The following HS1BP3 variants were observed in gnomAD, a reference collection of about 807,000 sequenced individuals.
HS1BP3 encodes the protein HCLS1 binding protein 3.
A neutral mutation model predicts 33.5 loss-of-function variants in HS1BP3; 32 were observed. The observed-to-expected ratio is 0.95, with a 90% CI of 0.72 to 1.28. HS1BP3 has a LOEUF of 1.28. Ranked by LOEUF, HS1BP3 falls within the 50% of genes most tolerant of loss-of-function variation. The pLI is 0.00. For missense variants in HS1BP3, 486 were observed against 502.3 expected, an observed-to-expected ratio of 0.97 and a Z score of 0.31; for synonymous variants, 187 against 209.2, an observed-to-expected ratio of 0.89 and a Z score of 0.92.
chr2:20,576,460 G>A lies in HS1BP3; in HGVS notation c.303-15945C>T, dbSNP rs183696390. On this transcript the variant is annotated intron_variant, in intron 5 of 5. Coordinates refer to the HS1BP3 transcript ENST00000446825. ...TTAGCTCAGGCGTCCCGTTTTCCAT[G>A]CTTTGCAGTCTTATCTCCTCTCTGG... is the stretch of plus-strand genomic sequence containing the variant. Among the ~76,000 whole-genome samples the A allele has an allele frequency of 3.3e-3, 507 of 152,302 alleles. 3 individuals are homozygous for A. Among genetic ancestry groups the A allele is most frequent in the African/African-American group, 0.011 (476 of 41,554 alleles).
chr2:20,555,281 G>C, the HS1BP3 span, among the ~76,000 whole-genome samples: 7 of 152,248 alleles, frequency 4.6e-5, no homozygotes, highest in African/African-American at 1.7e-4. Context: ...TAAGAGGCCA[G>C]GTGGCTGTTA....
rs1363168749 is a variant in HS1BP3 at position 20,625,015 on chromosome 2, C to A, written c.624-123G>T. On this transcript the variant is annotated intron_variant, in intron 4 of 6. Coordinates refer to ENST00000304031, the MANE Select transcript of HS1BP3 (RefSeq NM_022460.4). ...GCTGGATGCCATGGGCCAGAAAAGACCAGGCCAGAGGGACCAGGGAAGTCC... is the reference window on the plus strand; with the variant it reads ...GCTGGATGCCATGGGCCAGAAAAGAACAGGCCAGAGGGACCAGGGAAGTCC... 3.3e-6 allele frequency: 4 copies of A among 1,201,286 alleles called. No homozygotes were observed. In the African/African-American group the frequency reaches 4.6e-5, roughly 14 times the overall value. 74.4% of individuals were successfully genotyped at this position (1,201,286 alleles called of 1,614,324 possible). A position where few individuals can be genotyped will look rare whatever the true frequency, so the allele number is the denominator to read the frequency against.
At chr2:20,586,466 C>T (rs1022355119) in intron 5 of HS1BP3, 6 of 152,118 alleles carry the variant, frequency 3.9e-5, no homozygotes, top group African/African-American at 1.4e-4. Flanking sequence ...TCCAGATGTT[C>T]CCGGGAAAAT....
chr2:20,622,147 T>C, intron 6 of HS1BP3: 1 of 1,259,952 alleles, frequency 7.9e-7, no homozygotes, highest in Non-Finnish European at 1.0e-6. Flanking sequence ...CTGAGGCTAG[T>C]GACAGAATGA....
intron 5 of HS1BP3, among the ~76,000 whole-genome samples, chr2:20,574,042 TG>T (rs1693340451): frequency 6.6e-6 from 1 of 152,224 alleles, no homozygotes; most frequent in Non-Finnish European, 1.5e-5. Flanking sequence ...GTCCTTCCTG[TG>T]TGGGTTGCCC....
At chr2:20,642,005 G>A (rs1469812995) in intron 2 of HS1BP3, among the ~76,000 whole-genome samples, 2 of 152,236 alleles carry the variant, frequency 1.3e-5, no homozygotes, top group Non-Finnish European at 2.9e-5. Flanking sequence ...GTCACCTGCT[G>A]TATACACACA....
chr2:20,649,967 C>T (rs1451680635), intron 1 of HS1BP3, among the ~76,000 whole-genome samples: 1 of 152,202 alleles, frequency 6.6e-6, no homozygotes, highest in Non-Finnish European at 1.5e-5. Flanking sequence ...TTGCTCATGC[C>T]TGCCAATCTG....
chr2:20,629,691 C>T (rs2149295029), intron 4 of HS1BP3, among the ~76,000 whole-genome samples: 1 of 152,360 alleles, frequency 6.6e-6, no homozygotes, highest in East Asian at 1.9e-4. Flanking sequence ...CAGGCATGTG[C>T]TGGCATGTTC....
intron 4 of HS1BP3, among the ~76,000 whole-genome samples, chr2:20,627,933 C>T (rs1189408073): frequency 6.6e-6 from 1 of 152,112 alleles, no homozygotes; most frequent in Non-Finnish European, 1.5e-5. Flanking sequence ...GAGGGATGGA[C>T]AGGTGGAGGA....
chr2:20,582,578 T>A (rs1381001813), intron 5 of HS1BP3, among the ~76,000 whole-genome samples: 1 of 152,100 alleles, frequency 6.6e-6, no homozygotes, highest in East Asian at 1.9e-4. Context: ...CCCCCTCATG[T>A]CAGCCCATTA....
intron 4 of HS1BP3, 135 bp downstream of exon 4, chr2:20,638,301 G>A (rs1019335327): frequency 4.6e-5 from 35 of 767,458 alleles, no homozygotes; most frequent in Non-Finnish European, 7.4e-5. Context: ...CCAGGCCAAG[G>A]CCTCGTGGCC....
At chr2:20,568,349 C>G (rs1305995034) in intron 5 of HS1BP3, among the ~76,000 whole-genome samples, 1 of 152,098 alleles carries the variant, frequency 6.6e-6, no homozygotes, top group Non-Finnish European at 1.5e-5. Flanking sequence ...CCAGTCTGTT[C>G]AGGGAACAGC....
chr2:20,583,105 G>T (rs1278567747), intron 5 of HS1BP3, among the ~76,000 whole-genome samples: 2 of 152,212 alleles, frequency 1.3e-5, no homozygotes, highest in Non-Finnish European at 2.9e-5. Flanking sequence ...GCAAGGAGGG[G>T]CGATGGAGCA....
chr2:20,623,980 T>A lies in HS1BP3; in HGVS notation c.836A>T (p.Asp279Val), dbSNP rs1389696220. 2 of 1,612,020 alleles carry A rather than the reference T, an allele frequency of 1.2e-6. No individual in the cohort carries two copies. Among genetic ancestry groups the A allele is most frequent in the East Asian group, 2.2e-5 (1 of 44,838 alleles). Residue 279 changes from aspartate (D) to valine (V), a missense_variant, in exon 6 of 7, where the codon GAC (aspartate) becomes GTC (valine). Asp to Val is a radical substitution (Grantham distance 152). Coordinates refer to ENST00000304031, the MANE Select transcript of HS1BP3 (RefSeq NM_022460.4). ...ACAGGCGGCTGGCAGCAGGAGGGAGTCACCCAGGGGGATGGCCCCGCCGAG... is the reference window on the plus strand; with the variant it reads ...ACAGGCGGCTGGCAGCAGGAGGGAGACACCCAGGGGGATGGCCCCGCCGAG... ...PDLGGAIPLG[D>V]SLLLPAACES...
chr2:20,588,705 G>A (rs1693741138), downstream of HS1BP3, among the ~76,000 whole-genome samples: 1 of 152,232 alleles, frequency 6.6e-6, no homozygotes, highest in Non-Finnish European at 1.5e-5. Context: ...ATCAGCCCAT[G>A]TGGGAGCTTG....
chr2:20,619,942 C>T (rs1246403129), intron 6 of HS1BP3, among the ~76,000 whole-genome samples: 3 of 152,158 alleles, frequency 2.0e-5, no homozygotes, highest in East Asian at 1.9e-4. Flanking sequence ...AGGATGGCCT[C>T]GGCCAGGGCC....
chr2:20,629,068 T>C (rs1319653666), intron 4 of HS1BP3, among the ~76,000 whole-genome samples: 4 of 152,090 alleles, frequency 2.6e-5, no homozygotes, highest in Non-Finnish European at 5.9e-5. Context: ...CAAACGTGCT[T>C]ATACATCTGG....
chr2:20,599,087 C>T (rs897713388), intron 2 of HS1BP3, among the ~76,000 whole-genome samples: 5 of 152,228 alleles, frequency 3.3e-5, no homozygotes, highest in African/African-American at 4.8e-5. Flanking sequence ...CCCCTGGGGG[C>T]CTGTAGCCTG....
downstream of HS1BP3, among the ~76,000 whole-genome samples, chr2:20,556,103 G>C (rs13019753): frequency 0.71 from 107,885 of 152,124 alleles, 42,605 homozygotes; most frequent in Non-Finnish European, 0.86. Flanking sequence ...CCATTTGACT[G>C]TTTCTATTTC....
Sources: allele counts gnomAD v4.1 joint callset (sites outside exome capture counted in the v4.1 genomes callset), GRCh38; gene constraint gnomAD v4.1.1; transcripts MANE v1.5; gene names NCBI Gene and HGNC (gene_info 2026-07-23, HGNC 2026-07-21).